Variants in CEP192 observed in about 807,000 individuals in gnomAD.
The protein encoded by CEP192 is centrosomal protein of 192 kDa.
In CEP192, 151 loss-of-function variants were observed where a neutral mutation model predicts 271.8. That is an observed-to-expected ratio of 0.56 (90% confidence interval 0.49 to 0.64). The LOEUF (loss-of-function observed/expected upper bound fraction) is 0.64, where lower values mean the gene tolerates loss of function less well. Ranked by LOEUF, CEP192 falls within the 30% of genes least tolerant of loss-of-function variation. CEP192 has a pLI of 0.00. For missense variants in CEP192, 2,910 were observed against 3,020.5 expected, an observed-to-expected ratio of 0.96 and a Z score of 0.86; for synonymous variants, 995 against 1,076.5, an observed-to-expected ratio of 0.92 and a Z score of 1.48.
intron 9 of CEP192, among the ~76,000 whole-genome samples, chr18:13,027,002 C>G (rs974339302): frequency 6.6e-6 from 1 of 152,100 alleles, no homozygotes; most frequent in Non-Finnish European, 1.5e-5. Context: ...TGTAAATAGG[C>G]CTTTCATTAT....
intron 4 of CEP192, 70 bp downstream of exon 4, chr18:13,008,701 G>GT: frequency 3.6e-5 from 43 of 1,182,090 alleles, no homozygotes; most frequent in Non-Finnish European, 4.7e-5. Flanking sequence ...CTTATCTTTG[G>GT]ATTTTTTTTT....
rs184694621 is a variant in CEP192, at chr18:13,041,787, A to C, written c.1937-417A>C. Among the ~76,000 whole-genome samples, 224 of 152,208 alleles carry C rather than the reference A, an allele frequency of 1.5e-3. 1 individual carries two copies. The highest frequency in any genetic ancestry group is 0.014 in the East Asian group (74 of 5,178). ...CCCCATGTTGGCCAGGCTGGTCTCA[A>C]ACTCCTGACCTCAAGTGATCCGCCC... On this transcript the variant is annotated intron_variant, in intron 14 of 44. Coordinates refer to ENST00000506447, the MANE Select transcript of CEP192 (RefSeq NM_032142.4).
At chr18:13,116,642 C>A in intron 43 of CEP192, 139 bp downstream of exon 43, 1 of 756,456 alleles carries the variant, frequency 1.3e-6, no homozygotes, top group Non-Finnish European at 2.0e-6. Flanking sequence ...GATGGAGTCT[C>A]GCTGTCGCCC....
intron 30 of CEP192, among the ~76,000 whole-genome samples, chr18:13,084,231 G>T (rs1209159602): frequency 1.3e-5 from 2 of 152,188 alleles, no homozygotes; most frequent in African/African-American, 4.8e-5. Context: ...CCCTAGAGGT[G>T]GGCTCTATAG....
At chr18:13,072,542 T>G (rs961651277) in intron 28 of CEP192, among the ~76,000 whole-genome samples, 63 of 152,212 alleles carry the variant, frequency 4.1e-4, no homozygotes, top group African/African-American at 1.4e-3. Context: ...TGGAGAGAGA[T>G]TAAACCAAAA....
At chr18:13,099,219 A>G (rs955320433) in intron 36 of CEP192, among the ~76,000 whole-genome samples, 1 of 151,094 alleles carries the variant, frequency 6.6e-6, no homozygotes, top group African/African-American at 2.4e-5. Flanking sequence ...AGAGGGCGGC[A>G]TGGTTTGTTT....
rs2034119243 is a variant in CEP192, at chr18:13,008,486, A to C, written c.321A>C (p.Glu107Asp). ...TCTCTAGGAAAAAGAGCTATGTGGA[A>C]AGTCAACGTTTGTCAAATGCTCTCA... The part of the protein sequence containing the change: ...DSISRKKSYV[E>D]SQRLSNALSK... Residue 107 changes from glutamate (E) to aspartate (D), a missense_variant, in exon 4 of 45, where the codon GAA becomes GAC. Physicochemically the swap from Glu to Asp is conservative, Grantham distance 45. Transcript: ENST00000506447. 3 of 1,550,512 alleles carry C rather than the reference A, an allele frequency of 1.9e-6. No homozygotes were observed. Among genetic ancestry groups the C allele is most frequent in the Non-Finnish European group, 2.6e-6 (3 of 1,146,512 alleles).
At chr18:13,118,887 AACCTCATTTTATTATCAGT>A (rs2040547250) in intron 44 of CEP192, among the ~76,000 whole-genome samples, 1 of 152,214 alleles carries the variant, frequency 6.6e-6, no homozygotes, top group Non-Finnish European at 1.5e-5. Context: ...ATTTTGATAG[AACCTCATTTTATTATCAGT>A]GTGTCTTCAT....
intron 3 of CEP192, among the ~76,000 whole-genome samples, chr18:13,003,412 G>C (rs925757357): frequency 7.0e-6 from 1 of 143,324 alleles, no homozygotes; most frequent in Non-Finnish European, 1.5e-5. Context: ...TCACGCCACT[G>C]CACTCCAGCC....
At chr18:13,040,685 G>A (rs978025225) in intron 13 of CEP192, 145 bp from the exon 14 acceptor site, 1 of 559,848 alleles carries the variant, frequency 1.8e-6, no homozygotes, top group Non-Finnish European at 3.1e-6. Flanking sequence ...GACCTTTGAA[G>A]GTCATCTCTA....
intron 34 of CEP192, among the ~76,000 whole-genome samples, chr18:13,095,185 A>G (rs185913262): frequency 7.0e-4 from 107 of 152,148 alleles, no homozygotes; most frequent in Middle Eastern, 3.4e-3. Flanking sequence ...TTCTTTTTGT[A>G]GAGGTGGTGT....
intron 34 of CEP192, 28 bp from the exon 35 acceptor site, chr18:13,095,471 TCTAA>T (rs762150171): frequency 3.5e-5 from 55 of 1,554,792 alleles, no homozygotes; most frequent in Admixed American, 7.6e-5. Flanking sequence ...TTTCTTCATG[TCTAA>T]CTTTTTCATT....
chr18:13,096,220 A>C lies in CEP192; in HGVS notation c.6470A>C (p.Asn2157Thr), dbSNP rs756379072. The change falls in exon 36 of 45, where the codon AAT (asparagine) becomes ACT (threonine). Residue 2157 changes from asparagine (N) to threonine (T), a missense_variant. By Grantham distance (65) the Asn-to-Thr change is moderately conservative (BLOSUM62 0). Coordinates refer to ENST00000506447, the MANE Select transcript of CEP192 (RefSeq NM_032142.4). ...AAAACTGGACGTTTCCAGATTGTGA[A>C]TAACTCTGTGAGGTTACTGAGATTT... The part of the protein sequence containing the change: ...MAKTGRFQIV[N>T]NSVRLLRFEL... 6.2e-7 allele frequency: 1 copy of C among 1,614,144 alleles called. No homozygotes were observed. The highest frequency in any genetic ancestry group is 8.5e-7 in the Non-Finnish European group (1 of 1,179,972).
At chr18:13,103,738 TGGA>T (rs1349655658) in intron 39 of CEP192, 150 bp downstream of exon 39, 4 of 685,850 alleles carry the variant, frequency 5.8e-6, no homozygotes, top group African/African-American at 3.5e-5. Flanking sequence ...TCGCCCAGGC[TGGA>T]GTGCAGTGGT....
chr18:13,073,211 T>C, intron 30 of CEP192, 26 bp downstream of exon 30: 1 of 1,573,518 alleles, frequency 6.4e-7, no homozygotes, highest in Non-Finnish European at 8.6e-7. Context: ...TGCCTTTCCC[T>C]TCCCCTGGAG....
chr18:13,048,761 G>T, intron 15 of CEP192, 98 bp from the exon 16 acceptor site: 1 of 758,900 alleles, frequency 1.3e-6, no homozygotes, highest in Non-Finnish European at 2.2e-6. Flanking sequence ...GTATCCACTT[G>T]GAGGTTTTGA....
chr18:13,073,406 T>C (rs564498590), intron 30 of CEP192, among the ~76,000 whole-genome samples: 17 of 152,228 alleles, frequency 1.1e-4, no homozygotes, highest in Non-Finnish European at 2.2e-4. Flanking sequence ...TTCTAATGCT[T>C]TTAAGTTTCA....
chr18:13,084,061 T>C (rs1253801428), intron 30 of CEP192, among the ~76,000 whole-genome samples: 1 of 152,144 alleles, frequency 6.6e-6, no homozygotes, highest in Non-Finnish European at 1.5e-5. Context: ...GTCTCCCAGC[T>C]AGGCTACACG....
intron 40 of CEP192, 93 bp downstream of exon 40, chr18:13,105,172 G>C (rs1433552297): frequency 1.2e-6 from 1 of 860,008 alleles, no homozygotes. Context: ...TTCACCTGGA[G>C]CAGTGCTACT....
Sources: allele counts gnomAD v4.1 joint callset (sites outside exome capture counted in the v4.1 genomes callset), GRCh38; gene constraint gnomAD v4.1.1; transcripts MANE v1.5; gene names NCBI Gene and HGNC (gene_info 2026-07-23, HGNC 2026-07-21).